ADAM18: variants seen among roughly 807,000 people sequenced by gnomAD.
ADAM18 encodes disintegrin and metalloproteinase domain-containing protein 18.
A neutral mutation model predicts 94.4 loss-of-function variants in ADAM18; 117 were observed. The ratio of observed to expected loss-of-function variants is 1.24; its 90% CI spans 1.07 to 1.45. The LOEUF is 1.45. ADAM18 is among the 40% of genes most tolerant of loss of function. The pLI, the probability that ADAM18 is intolerant of heterozygous loss-of-function variation, is 0.00. For missense variants in ADAM18, 936 were observed against 880.0 expected (o/e 1.06, Z -0.81); for synonymous variants, 327 against 291.6 (o/e 1.12, Z -1.24).
rs116407665 is a variant in ADAM18, at chr8:39,608,417, A to G, written c.189-625A>G. Among the ~76,000 whole-genome samples, 881 of 151,780 alleles carry G rather than the reference A, an allele frequency of 5.8e-3. 9 individuals are homozygous for G. Among genetic ancestry groups the G allele is most frequent in the African/African-American group, 0.02 (839 of 41,364 alleles). On this transcript the variant is annotated intron_variant, in intron 3 of 19. Transcript: ENST00000265707. ...TCTCATCTCTGTGACACTGTCTCTT[A>G]CTATAGTCTGTCTTCATCACTCCAC...
At chr8:39,605,898 A>G (rs1563271639) in intron 2 of ADAM18, 1 of 172,224 alleles carries the variant, frequency 5.8e-6, no homozygotes, top group Non-Finnish European at 1.2e-5. Context: ...CCATTGTGTC[A>G]TTCTTATGCC....
At chr8:39,665,613 T>A (rs945388440) in intron 13 of ADAM18, among the ~76,000 whole-genome samples, 1 of 152,220 alleles carries the variant, frequency 6.6e-6, no homozygotes, top group Admixed American at 6.5e-5. Flanking sequence ...ACTAAAACTA[T>A]AAAATATATG....
At chr8:39,658,529 A>AAGG (rs1820747416) in intron 12 of ADAM18, among the ~76,000 whole-genome samples, 1 of 152,192 alleles carries the variant, frequency 6.6e-6, no homozygotes, top group Admixed American at 6.5e-5. Context: ...AGGCAGGAAA[A>AAGG]TAGATTCTAC....
At chr8:39,610,834 A>T in intron 6 of ADAM18, 128 bp downstream of exon 6, 1 of 1,295,072 alleles carries the variant, frequency 7.7e-7, no homozygotes, top group Non-Finnish European at 1.0e-6. Context: ...TTCTACCTTT[A>T]AATAAAACAT....
At chr8:39,726,825 A>G (rs997262188) in intron 19 of ADAM18, among the ~76,000 whole-genome samples, 1 of 152,170 alleles carries the variant, frequency 6.6e-6, no homozygotes, top group Non-Finnish European at 1.5e-5. Flanking sequence ...ACTCAGCTCA[A>G]AAATAACCTC....
intron 19 of ADAM18, among the ~76,000 whole-genome samples, chr8:39,728,664 G>C (rs754047810): frequency 6.6e-6 from 1 of 152,072 alleles, no homozygotes; most frequent in Non-Finnish European, 1.5e-5. Flanking sequence ...AAAAATCTTG[G>C]CTATTTGGAA....
chr8:39,619,792 T>A (rs1002947686), intron 6 of ADAM18, among the ~76,000 whole-genome samples: 4 of 152,166 alleles, frequency 2.6e-5, no homozygotes, highest in African/African-American at 9.6e-5. Context: ...TAATTAATAT[T>A]GTTAAAATGT....
rs1264407671 is a variant in ADAM18 at position 39,727,287 on chromosome 8, GC to G, written c.2178-2609del. On this transcript the variant is annotated intron_variant, in intron 19 of 19. Transcript: ENST00000265707. ...ATCTCTAGCAAGTGGTTGCTCCACA[GC>G]CTACTTGAATTCCTCTCCTTTCAAA... is the stretch of plus-strand genomic sequence containing the variant. Among the ~76,000 whole-genome samples the G allele has an allele frequency of 6.6e-5, 10 of 152,288 alleles. No individual in the cohort carries two copies. The East Asian group carries it at 1.9e-3, about 29-fold the overall frequency.
At chr8:39,679,831 C>T (rs931150779) in intron 15 of ADAM18, among the ~76,000 whole-genome samples, 2 of 152,170 alleles carry the variant, frequency 1.3e-5, no homozygotes, top group Admixed American at 6.6e-5. Flanking sequence ...GTCGTGTCTT[C>T]ACGCTGAGTT....
In ADAM18 at chr8:39,706,736, A is replaced by G. The variant is rs1427188496; in HGVS notation, c.1903-54A>G. The G allele has an allele frequency of 1.9e-5, 17 of 912,358 alleles. No individual in the cohort carries two copies. In the Admixed American group the frequency reaches 2.4e-4, roughly 13 times the overall value. 56.5% of individuals were successfully genotyped at this position (912,358 alleles called of 1,614,324 possible). On this transcript the variant is annotated intron_variant, in intron 17 of 19. Transcript: ENST00000265707. The stretch of plus-strand genomic sequence containing the variant: ...TTTATATCAGATACAAAGACCTTGT[A>G]TCAGATACAAAGACTAAGACGACTC...
chr8:39,638,251 A>T (rs1463360008), intron 9 of ADAM18, among the ~76,000 whole-genome samples: 2 of 138,778 alleles, frequency 1.4e-5, no homozygotes, highest in African/African-American at 4.9e-5. Context: ...TTACATTGGT[A>T]TTAAAGTGAA....
chr8:39,726,278 TTG>T (rs752595824), intron 19 of ADAM18, among the ~76,000 whole-genome samples: 3,457 of 134,652 alleles, frequency 0.026, 123 homozygotes, highest in African/African-American at 0.089. Context: ...ACACACACAT[TTG>T]TGTGTGTGTG....
intron 10 of ADAM18, among the ~76,000 whole-genome samples, chr8:39,640,436 C>T (rs1054250828): frequency 3.3e-5 from 5 of 151,982 alleles, no homozygotes; most frequent in African/African-American, 9.7e-5. Flanking sequence ...TCTTGGTGGC[C>T]ATTTGGGTTG....
At position 39,696,204 on chromosome 8, in the gene ADAM18, A is replaced by G. The variant is rs888984366; in HGVS notation, c.1902+3524A>G. Among the ~76,000 whole-genome samples the G allele has an allele frequency of 9.9e-5, 15 of 151,426 alleles. 1 individual carries two copies. Among genetic ancestry groups the G allele is most frequent in the East Asian group, 5.8e-4 (3 of 5,186 alleles). On this transcript the variant is annotated intron_variant, in intron 17 of 19. Coordinates refer to ENST00000265707, the MANE Select transcript of ADAM18 (RefSeq NM_014237.3). ...TCCATATACCTTTAGATGATTTTCT[A>G]TTCAAGTCCTTTGAGAATTTTTAAA...
rs552384351 is a variant in ADAM18, at chr8:39,708,852, G to A, written c.2017+1948G>A. Among the ~76,000 whole-genome samples, 21 of 152,358 alleles carry A rather than the reference G, an allele frequency of 1.4e-4. 1 individual carries two copies. The South Asian group carries it at 4.1e-3, about 30-fold the overall frequency. ...CAGGGGCCAAGGTGCAGGGGCCAAG[G>A]TGAGCACTTTTGAGCATTGGCAGGA... On this transcript the variant is annotated intron_variant, in intron 18 of 19. Transcript: ENST00000265707.
chr8:39,727,735 C>T (rs905711225), intron 19 of ADAM18, among the ~76,000 whole-genome samples: 5 of 152,152 alleles, frequency 3.3e-5, no homozygotes, highest in Non-Finnish European at 5.9e-5. Flanking sequence ...AATGTTCCCT[C>T]ATCTTCCTGT....
chr8:39,609,622 C>T, intron 5 of ADAM18, 61 bp downstream of exon 5: 1 of 1,164,350 alleles, frequency 8.6e-7, no homozygotes, highest in Non-Finnish European at 1.3e-6. Context: ...TAAAACAAAA[C>T]TTAGTGACTA....
chr8:39,618,862 A>C (rs1267371751), intron 6 of ADAM18, among the ~76,000 whole-genome samples: 1 of 152,174 alleles, frequency 6.6e-6, no homozygotes, highest in Admixed American at 6.5e-5. Flanking sequence ...GGCTCTCTGC[A>C]GGGGGAAGCA....
intron 16 of ADAM18, among the ~76,000 whole-genome samples, chr8:39,691,948 T>G (rs975061459): frequency 1.4e-4 from 22 of 152,020 alleles, no homozygotes; most frequent in African/African-American, 5.1e-4. Flanking sequence ...TGTTTAGTAT[T>G]GTTATGTTGT....
Sources: allele counts gnomAD v4.1 joint callset (sites outside exome capture counted in the v4.1 genomes callset), GRCh38; gene constraint gnomAD v4.1.1; transcripts MANE v1.5; gene names NCBI Gene and HGNC (gene_info 2026-07-23, HGNC 2026-07-21).